The following TERF1 variants were observed in gnomAD, a reference collection of about 807,000 sequenced individuals.
TERF1 encodes the protein telomeric repeat-binding factor 1.
In TERF1, 20 loss-of-function variants were observed where a neutral mutation model predicts 55.1. The observed-to-expected ratio is 0.36, with a 90% CI of 0.26 to 0.53. The LOEUF (loss-of-function observed/expected upper bound fraction) is 0.53. Among genes scored for constraint, TERF1 ranks in the 20% least tolerant of loss-of-function variants. The pLI, the probability that TERF1 is intolerant of heterozygous loss-of-function variation, is 0.91. For missense variants in TERF1, 439 were observed against 535.7 expected (o/e 0.82, Z 1.78); for synonymous variants, 168 against 181.2 (o/e 0.93, Z 0.59).
intron 8 of TERF1, chr8:73,038,836 C>A: frequency 1.3e-6 from 1 of 752,614 alleles, no homozygotes; most frequent in Non-Finnish European, 1.7e-6. Flanking sequence ...AATATTTTTC[C>A]TTTTTTTTTA....
intron 1 of TERF1, 85 bp from the exon 2 acceptor site, chr8:73,013,810 T>C: frequency 1.4e-6 from 1 of 735,506 alleles, no homozygotes; most frequent in Non-Finnish European, 2.3e-6. Context: ...TACAATATGT[T>C]TGTAGCCTAT....
chr8:73,045,948 T>C lies in TERF1; in HGVS notation c.1144-13T>C. On this transcript the variant is annotated splice_polypyrimidine_tract_variant and intron_variant, in intron 9 of 9. Coordinates refer to ENST00000276603, the MANE Select transcript of TERF1 (RefSeq NM_017489.3). Reference sequence around the variant, plus strand: ...TTGTTTCTGTAAATAACTGTTTTACTTTTTATCAAAAGGCATGGCTTTGGG... The same window carrying C: ...TTGTTTCTGTAAATAACTGTTTTACCTTTTATCAAAAGGCATGGCTTTGGG... The C allele has an allele frequency of 6.6e-7, 1 of 1,519,278 alleles. No homozygotes were observed. Among genetic ancestry groups the C allele is most frequent in the Admixed American group, 2.3e-5 (1 of 42,948 alleles). 94.1% of individuals were successfully genotyped at this position (1,519,278 alleles called of 1,614,324 possible).
chr8:73,020,543 T>A, intron 2 of TERF1, 141 bp from the exon 3 acceptor site: 1 of 536,664 alleles, frequency 1.9e-6, no homozygotes, highest in Non-Finnish European at 2.9e-6. Flanking sequence ...GAAAATAAAA[T>A]CACTTCTAAA....
chr8:73,009,409 T>C, intron 1 of TERF1: 1 of 576,806 alleles, frequency 1.7e-6, no homozygotes, highest in Non-Finnish European at 3.0e-6. Flanking sequence ...ATTGATTTCC[T>C]CTTCGATAAA....
intron 2 of TERF1, among the ~76,000 whole-genome samples, chr8:73,019,869 C>A (rs56165298): frequency 0.032 from 4,849 of 152,322 alleles, 158 homozygotes; most frequent in African/African-American, 0.088. Flanking sequence ...GAGCTTCCCT[C>A]TCCCCTACCA....
intron 6 of TERF1, among the ~76,000 whole-genome samples, chr8:73,027,388 C>T (rs6982126): frequency 0.25 from 37,510 of 152,022 alleles, 4,770 homozygotes; most frequent in Middle Eastern, 0.31. Flanking sequence ...TCATGTTTCA[C>T]TGTACTAAGA....
chr8:73,039,822 CCTT>C (rs1809760108), intron 9 of TERF1, among the ~76,000 whole-genome samples: 1 of 116,704 alleles, frequency 8.6e-6, no homozygotes, highest in Non-Finnish European at 1.9e-5. Flanking sequence ...TGTGTTTCCC[CCTT>C]TTTTTTGTAG....
At chr8:73,039,713 A>G (rs572377667) in intron 9 of TERF1, among the ~76,000 whole-genome samples, 2 of 148,944 alleles carry the variant, frequency 1.3e-5, no homozygotes, top group Non-Finnish European at 3.0e-5. Context: ...TATTTTATGT[A>G]TTTTTTGATT....
intron 6 of TERF1, among the ~76,000 whole-genome samples, chr8:73,028,454 G>C (rs1809117019): frequency 6.6e-6 from 1 of 151,386 alleles, no homozygotes; most frequent in Non-Finnish European, 1.5e-5. Flanking sequence ...TCTAGAGTTA[G>C]CTTCCACAAA....
chr8:73,032,001 T>A, intron 7 of TERF1, 41 bp from the exon 8 acceptor site: 1 of 1,408,868 alleles, frequency 7.1e-7, no homozygotes, highest in Non-Finnish European at 1.0e-6. Context: ...TGCCTTACTA[T>A]CTTTCTGGAG....
At chr8:73,020,005 G>A (rs56107348) in intron 2 of TERF1, among the ~76,000 whole-genome samples, 18 of 152,184 alleles carry the variant, frequency 1.2e-4, no homozygotes, top group East Asian at 5.8e-4. Flanking sequence ...TAGCATGTGC[G>A]TATCATAAGA....
intron 2 of TERF1, among the ~76,000 whole-genome samples, chr8:73,017,937 C>A (rs1040086171): frequency 1.3e-5 from 2 of 151,968 alleles, no homozygotes. Flanking sequence ...TCTTGATTGG[C>A]GGATCTCGTG....
intron 1 of TERF1, chr8:73,012,934 A>G (rs749590460): frequency 9.2e-5 from 42 of 456,126 alleles, no homozygotes; most frequent in Admixed American, 1.9e-4. Context: ...GATGTTCAGT[A>G]AATATTGAAT....
intron 1 of TERF1, 33 bp from the exon 2 acceptor site, chr8:73,013,862 A>G: frequency 6.9e-7 from 1 of 1,453,966 alleles, no homozygotes; most frequent in Non-Finnish European, 9.6e-7. Context: ...ATCAAGTTTG[A>G]TTTTAATAAA....
rs1810100682 is a variant in TERF1, at chr8:73,047,696, T to C, written c.*1559T>C. 6.6e-6 allele frequency: 1 copy of C among 152,246 alleles called. No individual in the cohort carries two copies. Among genetic ancestry groups the C allele is most frequent in the Admixed American group, 6.5e-5 (1 of 15,282 alleles). 9.4% of individuals were successfully genotyped at this position (152,246 alleles called of 1,614,324 possible). A position where few individuals can be genotyped will look rare whatever the true frequency, so the allele number is the denominator to read the frequency against. On this transcript the variant is annotated 3_prime_UTR_variant, in exon 10 of 10. Coordinates refer to ENST00000276603, the MANE Select transcript of TERF1 (RefSeq NM_017489.3). ...TAAGGTTTCATATATTACTTTCCCA[T>C]TGTTCCTGAATTTGTTATCCTATAT...
chr8:73,030,316 A>G lies in TERF1; in HGVS notation c.888-20A>G. The G allele has an allele frequency of 6.6e-7, 1 of 1,523,560 alleles. No homozygotes were observed. Among genetic ancestry groups the G allele is most frequent in the Non-Finnish European group, 8.8e-7 (1 of 1,137,080 alleles). The allele number at this position is 1,523,560 out of a possible 1,614,324, so 94.4% of individuals were successfully genotyped here. ...AGTTTCTTTTGTTTACATTCTTACA[A>G]ATTTTTTCTTCTTTTAAAGTGTTAG... On this transcript the variant is annotated intron_variant, in intron 6 of 9. Coordinates refer to ENST00000276603, the MANE Select transcript of TERF1 (RefSeq NM_017489.3).
chr8:73,013,446 C>G (rs1586026592), intron 1 of TERF1, among the ~76,000 whole-genome samples: 1 of 152,274 alleles, frequency 6.6e-6, no homozygotes, highest in Middle Eastern at 3.4e-3. Flanking sequence ...CACTGCCTGA[C>G]TCAACATCTG....
At position 73,047,772 on chromosome 8, in the gene TERF1, G is replaced by T. The variant is rs866215178; in HGVS notation, c.*1635G>T. 6.6e-6 allele frequency: 1 copy of T among 152,014 alleles called. No homozygotes were observed. The highest frequency in any genetic ancestry group is 1.5e-5 in the Non-Finnish European group (1 of 68,022). The allele number at this position is 152,014 out of a possible 1,614,324, so 9.4% of individuals were successfully genotyped here. On this transcript the variant is annotated 3_prime_UTR_variant, in exon 10 of 10. Transcript: ENST00000276603. ...ATATACTTCCTGACTCCTTTATCTT[G>T]TTACACCACAAGATACTGCACTATT...
At chr8:73,042,463 TA>T (rs201566363) in intron 9 of TERF1, among the ~76,000 whole-genome samples, 68 of 148,164 alleles carry the variant, frequency 4.6e-4, no homozygotes, top group African/African-American at 1.3e-3. Flanking sequence ...TTGAGGTTTT[TA>T]AAAAAAAAAA....
Sources: allele counts gnomAD v4.1 joint callset (sites outside exome capture counted in the v4.1 genomes callset), GRCh38; gene constraint gnomAD v4.1.1; transcripts MANE v1.5; gene names NCBI Gene and HGNC (gene_info 2026-07-23, HGNC 2026-07-21).